Variants in EPB41 observed in about 807,000 individuals in gnomAD.
The protein encoded by EPB41 is protein 4.1.
In EPB41, 65 loss-of-function variants were observed where a neutral mutation model predicts 108.0. The observed-to-expected ratio is 0.60, with a 90% confidence interval of 0.49 to 0.74. EPB41 has a LOEUF of 0.74. Among genes scored for constraint, EPB41 ranks in the 30% least tolerant of loss-of-function variants. EPB41 has a pLI of 0.00. For synonymous variants in EPB41, 336 were observed against 358.9 expected, an observed-to-expected ratio of 0.94 and a Z score of 0.72; for missense variants, 875 against 1,037.0, an observed-to-expected ratio of 0.84 and a Z score of 2.15.
Position 29,056,857 on chromosome 1 carries a change from T to A in EPB41, c.1846-1732T>A, listed in dbSNP as rs192504608. Among the ~76,000 whole-genome samples the A allele has an allele frequency of 5.7e-3, 869 of 152,262 alleles. 11 individuals carry two copies. Among genetic ancestry groups the A allele is most frequent in the African/African-American group, 0.02 (827 of 41,558 alleles). On this transcript the variant is annotated intron_variant, in intron 12 of 20. Coordinates refer to ENST00000343067, the MANE Select transcript of EPB41 (RefSeq NM_001376013.1). ...AATTCTTAAACTGAAGTAGAGGCTC[T>A]CAGTTTTCTGCTATTGGATTGATAA...
chr1:28,963,022 T>A (rs1374717614), intron 1 of EPB41, among the ~76,000 whole-genome samples: 1 of 152,220 alleles, frequency 6.6e-6, no homozygotes, highest in Non-Finnish European at 1.5e-5. Context: ...TTTAGATATC[T>A]TTGCATTCTT....
chr1:29,029,498 A>T (rs575271139), intron 7 of EPB41, among the ~76,000 whole-genome samples: 1 of 152,316 alleles, frequency 6.6e-6, no homozygotes, highest in East Asian at 1.9e-4. Flanking sequence ...AGGCAGTCTT[A>T]TGGGAAACTG....
chr1:28,968,992 A>C (rs532143849), intron 1 of EPB41, among the ~76,000 whole-genome samples: 2 of 143,966 alleles, frequency 1.4e-5, no homozygotes, highest in Admixed American at 1.4e-4. Flanking sequence ...CAAAAAAAAA[A>C]CACAAACTAA....
chr1:28,953,306 G>T (rs1381889950), intron 1 of EPB41, among the ~76,000 whole-genome samples: 12 of 147,610 alleles, frequency 8.1e-5, no homozygotes, highest in South Asian at 2.1e-4. Flanking sequence ...AGGTTTCTTG[G>T]TTTTTTTTTT....
chr1:28,945,589 G>A (rs978908526), intron 1 of EPB41, among the ~76,000 whole-genome samples: 1 of 152,190 alleles, frequency 6.6e-6, no homozygotes, highest in Non-Finnish European at 1.5e-5. Flanking sequence ...AGGAAGGAAG[G>A]TATTGTGGAG....
At chr1:28,958,194 T>TA (rs1386279903) in intron 1 of EPB41, among the ~76,000 whole-genome samples, 2 of 152,146 alleles carry the variant, frequency 1.3e-5, no homozygotes, top group African/African-American at 4.8e-5. Flanking sequence ...TCTCTATATT[T>TA]AAAAAATTAA....
intron 1 of EPB41, among the ~76,000 whole-genome samples, chr1:28,978,192 G>GT (rs2095653964): frequency 1.3e-5 from 2 of 151,322 alleles, no homozygotes; most frequent in South Asian, 2.1e-4. Flanking sequence ...TGTTCGGCTT[G>GT]TTTTTTACAT....
intron 2 of EPB41, among the ~76,000 whole-genome samples, chr1:28,991,051 C>T (rs1276269177): frequency 6.6e-6 from 1 of 151,782 alleles, no homozygotes; most frequent in African/African-American, 2.4e-5. Flanking sequence ...TAGTCAAAAC[C>T]TTGTGGATCA....
At chr1:28,932,753 G>T (rs1482217750) in intron 1 of EPB41, among the ~76,000 whole-genome samples, 1 of 152,132 alleles carries the variant, frequency 6.6e-6, no homozygotes, top group Admixed American at 6.6e-5. Context: ...CATATGCTCT[G>T]CAAATCACTT....
intron 7 of EPB41, among the ~76,000 whole-genome samples, chr1:29,028,324 T>C (rs1319148169): frequency 6.6e-6 from 1 of 152,172 alleles, no homozygotes; most frequent in Non-Finnish European, 1.5e-5. Context: ...GTGATCCAAA[T>C]TGTGTCTCTT....
intron 16 of EPB41, among the ~76,000 whole-genome samples, chr1:29,095,600 G>A (rs1662927234): frequency 1.3e-5 from 2 of 152,060 alleles, no homozygotes; most frequent in Admixed American, 1.3e-4. Context: ...GTGAGACCCT[G>A]TTTCTCCAAA....
At position 28,908,437 on chromosome 1, in the gene EPB41, A is replaced by T. The variant is rs905746858; in HGVS notation, c.-8+21227A>T. 6.1e-3 allele frequency among the ~76,000 whole-genome samples: 897 copies of T among 147,826 alleles called. 4 individuals carry two copies. The highest frequency in any genetic ancestry group is 0.016 in the African/African-American group (650 of 40,674). On this transcript the variant is annotated intron_variant, in intron 1 of 16. Transcript: ENST00000347529. ...AAAAGTAGTTATTATTATTATTATTATTATTTTTTTTTGAGATAGAGTCTT... is the reference window on the plus strand; with the variant it reads ...AAAAGTAGTTATTATTATTATTATTTTTATTTTTTTTTGAGATAGAGTCTT...
chr1:29,021,820 G>A (rs2096649834), intron 7 of EPB41, among the ~76,000 whole-genome samples: 1 of 152,264 alleles, frequency 6.6e-6, no homozygotes, highest in East Asian at 1.9e-4. Context: ...CTGACCTCGT[G>A]ATCCGCCCGC....
At chr1:29,015,096 T>C (rs2096560671) in intron 5 of EPB41, among the ~76,000 whole-genome samples, 2 of 152,190 alleles carry the variant, frequency 1.3e-5, no homozygotes, top group Admixed American at 1.3e-4. Context: ...TGCCCAGCCT[T>C]GTTTATGTAG....
intron 4 of EPB41, among the ~76,000 whole-genome samples, chr1:29,011,081 G>A (rs778890600): frequency 2.3e-4 from 34 of 144,752 alleles, no homozygotes; most frequent in Non-Finnish European, 3.4e-4. Context: ...TCGAGATTGC[G>A]CCATTGCTCT....
chr1:29,086,940 C>CTTTTTTTTTTTTTTTTTTTTTTT (rs386366593), intron 16 of EPB41, among the ~76,000 whole-genome samples: 1 of 98,564 alleles, frequency 1.0e-5, no homozygotes, highest in Non-Finnish European at 1.9e-5. Flanking sequence ...AACTGTGGTT[C>CTTTTTTTTTTTTTTTTTTTTTTT]TTTTTTTTTT....
chr1:29,097,688 T>C lies in EPB41; in HGVS notation c.2185-119T>C, dbSNP rs1385034700. 2.8e-5 allele frequency: 35 copies of C among 1,243,990 alleles called. No individual in the cohort carries two copies. In the East Asian group the frequency reaches 8.0e-4, roughly 28 times the overall value. 77.1% of individuals were successfully genotyped at this position (1,243,990 alleles called of 1,614,324 possible). The stretch of plus-strand genomic sequence containing the variant: ...GTCTTAGGCAGGGTAAACACCTTTG[T>C]AGATTGAGCTAGCTCTGTACTTAAT... On this transcript the variant is annotated intron_variant, in intron 16 of 20. Transcript: ENST00000343067.
chr1:29,033,358 T>A (rs2096814725), intron 9 of EPB41, 113 bp downstream of exon 9: 3 of 1,234,528 alleles, frequency 2.4e-6, no homozygotes, highest in South Asian at 2.5e-5. Flanking sequence ...AGTTAACTAT[T>A]GAAGGGCTGA....
chr1:28,969,767 G>A (rs530716160), intron 1 of EPB41, among the ~76,000 whole-genome samples: 7 of 152,230 alleles, frequency 4.6e-5, no homozygotes, highest in South Asian at 2.1e-4. Flanking sequence ...CGGGCGTGGC[G>A]GTGGGCACCT....
Sources: gnomAD v4.1 joint callset for allele counts (sites outside exome capture counted in the v4.1 genomes callset) on GRCh38, gnomAD v4.1.1 for gene constraint, MANE v1.5 for transcripts, NCBI Gene and HGNC (gene_info 2026-07-23, HGNC 2026-07-21) for gene names.